The following OR6C1 variants were observed in gnomAD, a reference collection of about 807,000 sequenced individuals.
OR6C1 encodes the protein olfactory receptor 6C1.
For synonymous variants in OR6C1, 157 were observed against 133.3 expected (o/e 1.18, Z -1.22); for missense variants, 386 against 366.1 (o/e 1.05, Z -0.44).
At position 55,321,016 on chromosome 12, in the gene OR6C1, C is replaced by T. The variant is rs1447226478; in HGVS notation, c.417C>T (p.Cys139=). The change falls in exon 2 of 2, where the codon TGC becomes TGT. Residue 139 remains cysteine (C), a synonymous_variant. Coordinates refer to ENST00000642104, the MANE Select transcript of OR6C1 (RefSeq NM_001005182.2). The part of the protein sequence containing the change: ...HCLSIMNRRV[C]TLLVFTSWLV... Reference sequence around the variant, plus strand: ...TGAGTATCATGAATCGAAGAGTCTGCACACTGCTTGTTTTTACTTCTTGGC... The same window carrying T: ...TGAGTATCATGAATCGAAGAGTCTGTACACTGCTTGTTTTTACTTCTTGGC... The T allele has an allele frequency of 6.2e-7, 1 of 1,613,788 alleles. No homozygotes were observed. Among genetic ancestry groups the T allele is most frequent in the South Asian group, 1.1e-5 (1 of 91,066 alleles).
chr12:55,315,105 AC>A (rs899346318), intron 1 of OR6C1, among the ~76,000 whole-genome samples: 18 of 151,814 alleles, frequency 1.2e-4, no homozygotes, highest in African/African-American at 4.3e-4. Context: ...TATTCCTAGA[AC>A]CTACTAAATG....
intron 1 of OR6C1, among the ~76,000 whole-genome samples, chr12:55,319,531 A>G (rs1158831813): frequency 6.6e-6 from 1 of 152,220 alleles, no homozygotes; most frequent in African/African-American, 2.4e-5. Flanking sequence ...AAGAAAGTTC[A>G]TTGACACTGG....
At chr12:55,316,283 A>C (rs949183277) in intron 1 of OR6C1, among the ~76,000 whole-genome samples, 1 of 151,798 alleles carries the variant, frequency 6.6e-6, no homozygotes, top group Non-Finnish European at 1.5e-5. Context: ...AATTTATTTA[A>C]GGGGTCATCG....
At position 55,320,983 on chromosome 12, in the gene OR6C1, G is replaced by A; in HGVS notation, c.384G>A (p.Leu128=). The part of the protein sequence containing the change: ...YDRYVAICKP[L]HCLSIMNRRV... Reference sequence around the variant, plus strand: ...GCTATGTGGCCATCTGCAAGCCTCTGCATTGCTTGAGTATCATGAATCGAA... The same window carrying A: ...GCTATGTGGCCATCTGCAAGCCTCTACATTGCTTGAGTATCATGAATCGAA... The change falls in exon 2 of 2, where the codon CTG becomes CTA. Residue 128 remains leucine (L), a synonymous_variant. Coordinates refer to ENST00000642104, the MANE Select transcript of OR6C1 (RefSeq NM_001005182.2). The A allele has an allele frequency of 2.5e-6, 4 of 1,613,958 alleles. No individual in the cohort carries two copies. Among genetic ancestry groups the A allele is most frequent in the Non-Finnish European group, 3.4e-6 (4 of 1,179,956 alleles).
At chr12:55,320,222 T>TAG (rs1407489417) in intron 1 of OR6C1, among the ~76,000 whole-genome samples, 1 of 152,080 alleles carries the variant, frequency 6.6e-6, no homozygotes, top group Non-Finnish European at 1.5e-5. Flanking sequence ...GAAACTTGTA[T>TAG]AGGGATTTGT....
At chr12:55,315,291 A>G (rs113073627) in intron 1 of OR6C1, among the ~76,000 whole-genome samples, 5,373 of 151,774 alleles carry the variant, frequency 0.035, 328 homozygotes, top group African/African-American at 0.12. Context: ...GTTAAAGCCT[A>G]TATACTTTCT....
chr12:55,320,491 C>A (rs760039558), intron 1 of OR6C1, 76 bp from the exon 2 acceptor site: 5 of 676,914 alleles, frequency 7.4e-6, no homozygotes, highest in African/African-American at 5.4e-5. Flanking sequence ...ACTATGTCAA[C>A]CAAACTCCAG....
At chr12:55,316,886 A>G (rs901868033) in intron 1 of OR6C1, among the ~76,000 whole-genome samples, 6 of 151,680 alleles carry the variant, frequency 4.0e-5, no homozygotes, top group African/African-American at 1.5e-4. Context: ...TCTCTCATGA[A>G]CCCTTCAAAT....
chr12:55,315,034 C>G (rs2120436701), intron 1 of OR6C1, among the ~76,000 whole-genome samples: 1 of 151,636 alleles, frequency 6.6e-6, no homozygotes, highest in African/African-American at 2.4e-5. Context: ...TTTAATAAAT[C>G]ACAACTACAA....
chr12:55,316,903 T>A (rs1222746231), intron 1 of OR6C1, among the ~76,000 whole-genome samples: 2 of 151,876 alleles, frequency 1.3e-5, no homozygotes, highest in Non-Finnish European at 2.9e-5. Flanking sequence ...AAATAACAAC[T>A]TATATCTTCC....
At chr12:55,319,370 A>G (rs1868478193) in intron 1 of OR6C1, among the ~76,000 whole-genome samples, 3 of 152,212 alleles carry the variant, frequency 2.0e-5, no homozygotes, top group African/African-American at 4.8e-5. Flanking sequence ...AAATACAGAG[A>G]CAAATCTCTA....
Position 55,321,654 on chromosome 12 carries a change from G to T in OR6C1, c.*116G>T. ...CTGCATCATTTTCTTTTCCCTAAAA[G>T]TTTGCAAGCATATTTATTTAATATA... On this transcript the variant is annotated 3_prime_UTR_variant, in exon 2 of 2. Transcript: ENST00000642104. 1.7e-6 allele frequency: 1 copy of T among 584,450 alleles called. No homozygotes were observed. The highest frequency in any genetic ancestry group is 2.8e-6 in the Non-Finnish European group (1 of 354,778). 36.2% of individuals were successfully genotyped at this position (584,450 alleles called of 1,614,324 possible). A position where few individuals can be genotyped will look rare whatever the true frequency, so the allele number is the denominator to read the frequency against.
chr12:55,321,528 C>T lies in OR6C1; in HGVS notation c.929C>T (p.Thr310Ile). 6.2e-7 allele frequency: 1 copy of T among 1,607,722 alleles called. No individual in the cohort carries two copies. Among genetic ancestry groups the T allele is most frequent in the Admixed American group, 1.7e-5 (1 of 59,500 alleles). Reference protein sequence around the residue: ...INMARKTVFFTST With the variant: ...INMARKTVFFIST Reference sequence around the variant, plus strand: ...ATGGCAAGGAAGACTGTATTTTTCACAAGCACATGAAATGGTATGGTGTGA... The same window carrying T: ...ATGGCAAGGAAGACTGTATTTTTCATAAGCACATGAAATGGTATGGTGTGA... The change falls in exon 2 of 2, where the codon ACA becomes ATA. Residue 310 changes from threonine to isoleucine, a missense_variant. By Grantham distance (89) the Thr-to-Ile change is moderately conservative. Coordinates refer to ENST00000642104, the MANE Select transcript of OR6C1 (RefSeq NM_001005182.2).
rs779881091 is a variant in OR6C1, at chr12:55,321,088, G to T, written c.489G>T (p.Lys163Asn). The change falls in exon 2 of 2, where the codon AAG (lysine) becomes AAT (asparagine). Residue 163 changes from lysine (K) to asparagine (N), a missense_variant. Transcript: ENST00000642104. ...TCCCAGCACTCATGTTGCTTTTAAA[G>T]CTTCATTACTGTAGGTCTAATATTA... ...IIFPALMLLL[K>N]LHYCRSNIID... 1.2e-6 allele frequency: 2 copies of T among 1,613,466 alleles called. No homozygotes were observed. The highest frequency in any genetic ancestry group is 1.7e-6 in the Non-Finnish European group (2 of 1,179,632).
intron 1 of OR6C1, among the ~76,000 whole-genome samples, chr12:55,317,978 CAT>C (rs1166283059): frequency 1.1e-4 from 16 of 148,126 alleles, no homozygotes; most frequent in African/African-American, 1.7e-4. Flanking sequence ...CATATATACA[CAT>C]ATATATACAT....
In OR6C1 at chr12:55,321,338, T is replaced by G. The variant is rs771215177; in HGVS notation, c.739T>G (p.Ser247Ala). 3.5e-5 allele frequency: 57 copies of G among 1,613,754 alleles called. No homozygotes were observed. The highest frequency in any genetic ancestry group is 4.4e-5 in the Non-Finnish European group (52 of 1,179,704). ...STCSSHMVVV[S>A]ISYGSCIFMY... Reference sequence around the variant, plus strand: ...ATGTTCTTCCCACATGGTTGTTGTCTCCATCTCTTATGGCAGCTGCATTTT... The same window carrying G: ...ATGTTCTTCCCACATGGTTGTTGTCGCCATCTCTTATGGCAGCTGCATTTT... The change falls in exon 2 of 2, where the codon TCC (serine) becomes GCC (alanine). Residue 247 changes from serine (S) to alanine (A), a missense_variant. Ser to Ala is a moderately conservative substitution (Grantham distance 99, BLOSUM62 1). Coordinates refer to ENST00000642104, the MANE Select transcript of OR6C1 (RefSeq NM_001005182.2).
In OR6C1 at chr12:55,320,959, C is replaced by A. The variant is rs142717799; in HGVS notation, c.360C>A (p.Arg120=). The change falls in exon 2 of 2, where the codon CGC becomes CGA. Residue 120 remains arginine, a synonymous_variant. Coordinates refer to ENST00000642104, the MANE Select transcript of OR6C1 (RefSeq NM_001005182.2). ...TTCTGGCTGCCATGTCCTATGACCG[C>A]TATGTGGCCATCTGCAAGCCTCTGC... ...FYLLAAMSYD[R]YVAICKPLHC... is the part of the protein sequence containing the mutation. The A allele has an allele frequency of 8.7e-6, 14 of 1,613,854 alleles. No individual in the cohort carries two copies. The highest frequency in any genetic ancestry group is 1.2e-5 in the Non-Finnish European group (14 of 1,179,922).
At chr12:55,319,306 A>T (rs928370429) in intron 1 of OR6C1, among the ~76,000 whole-genome samples, 2 of 152,160 alleles carry the variant, frequency 1.3e-5, no homozygotes, top group Non-Finnish European at 2.9e-5. Context: ...TGGACGTAGG[A>T]GTTGGAAAAT....
At chr12:55,319,575 T>A (rs1192483324) in intron 1 of OR6C1, among the ~76,000 whole-genome samples, 1 of 152,160 alleles carries the variant, frequency 6.6e-6, no homozygotes, top group Non-Finnish European at 1.5e-5. Flanking sequence ...TTTTGATTGG[T>A]AAGTTAAGGC....
Sources: gnomAD v4.1 joint callset for allele counts (sites outside exome capture counted in the v4.1 genomes callset) on GRCh38, gnomAD v4.1.1 for gene constraint, MANE v1.5 for transcripts, NCBI Gene and HGNC (gene_info 2026-07-23, HGNC 2026-07-21) for gene names.